Variants in LHFPL3 observed in about 807,000 individuals in gnomAD.
LHFPL3 encodes the protein LHFPL tetraspan subfamily member 3 protein.
A neutral mutation model predicts 19.3 loss-of-function variants in LHFPL3; 5 were observed. That is an observed-to-expected ratio of 0.26 (90% CI 0.14 to 0.54). The LOEUF (loss-of-function observed/expected upper bound fraction) is 0.54, where lower values mean the gene tolerates loss of function less well. Ranked by LOEUF, LHFPL3 falls within the 20% of genes least tolerant of loss-of-function variation. The pLI is 0.94. For synonymous variants in LHFPL3, 133 were observed against 126.2 expected (o/e 1.05, Z -0.36); for missense variants, 249 against 307.4 (o/e 0.81, Z 1.42).
rs1290521512 is a variant in LHFPL3 at position 104,626,417 on chromosome 7, T to C, written c.446-110258T>C. ...ATTCCTCTGGTTTGCATTTAAGCAC[T>C]TTAGCATAATTACCTCCACTCCATG... is the stretch of plus-strand genomic sequence containing the variant. On this transcript the variant is annotated intron_variant, in intron 1 of 2. Transcript: ENST00000424859. Among the ~76,000 whole-genome samples, 3 of 152,328 alleles carry C rather than the reference T, an allele frequency of 2.0e-5. No homozygotes were observed. The East Asian group carries it at 5.8e-4, about 29-fold the overall frequency.
intron 2 of LHFPL3, among the ~76,000 whole-genome samples, chr7:104,856,902 A>C (rs1562816053): frequency 6.6e-6 from 1 of 152,230 alleles, no homozygotes. Context: ...CTGCATGTTC[A>C]GTATACATCA....
rs75148949 is a variant in LHFPL3 at position 104,581,446 on chromosome 7, T to C, written c.446-155229T>C. Reference sequence around the variant, plus strand: ...GTTTTGAAAATATTTTCTCCTATTATATGACTGGCCTCTTTATTATCTTAA... The same window carrying C: ...GTTTTGAAAATATTTTCTCCTATTACATGACTGGCCTCTTTATTATCTTAA... On this transcript the variant is annotated intron_variant, in intron 1 of 2. Coordinates refer to ENST00000424859, the MANE Select transcript of LHFPL3 (RefSeq NM_199000.3). Among the ~76,000 whole-genome samples, 1,331 of 152,124 alleles carry C rather than the reference T, an allele frequency of 8.7e-3. 17 individuals are homozygous for C. The highest frequency in any genetic ancestry group is 0.03 in the African/African-American group (1,266 of 41,540).
At chr7:104,370,117 A>G (rs1253028779) in intron 1 of LHFPL3, among the ~76,000 whole-genome samples, 1 of 152,200 alleles carries the variant, frequency 6.6e-6, no homozygotes, top group Non-Finnish European at 1.5e-5. Flanking sequence ...TAAAACCTCT[A>G]AGGATGGAGG....
chr7:104,645,534 T>C lies in LHFPL3; in HGVS notation c.446-91141T>C, dbSNP rs943373492. On this transcript the variant is annotated intron_variant, in intron 1 of 2. Coordinates refer to ENST00000424859, the MANE Select transcript of LHFPL3 (RefSeq NM_199000.3). ...AATTGTGTTCTTGACAAAAAGAGAA[T>C]GCGAAGTAGTTCTGTGAAGGAAATC... Among the ~76,000 whole-genome samples the C allele has an allele frequency of 4.6e-5, 7 of 152,008 alleles. No homozygotes were observed. In the East Asian group the frequency reaches 9.7e-4, roughly 21 times the overall value.
chr7:104,567,672 T>A (rs1305268340), intron 1 of LHFPL3, among the ~76,000 whole-genome samples: 3 of 152,162 alleles, frequency 2.0e-5, no homozygotes, highest in Non-Finnish European at 2.9e-5. Context: ...AAGAAAATGA[T>A]GACTAGGGCT....
intron 1 of LHFPL3, among the ~76,000 whole-genome samples, chr7:104,681,938 G>A (rs576129641): frequency 4.5e-4 from 68 of 152,248 alleles, no homozygotes; most frequent in African/African-American, 1.6e-3. Context: ...TCTGCCATCA[G>A]CATATTGCAA....
intron 1 of LHFPL3, among the ~76,000 whole-genome samples, chr7:104,417,272 G>A (rs930600841): frequency 2.5e-4 from 38 of 152,194 alleles, no homozygotes; most frequent in Middle Eastern, 3.4e-3. Flanking sequence ...TAACCTTCAT[G>A]TCTTCAACTG....
At chr7:104,752,441 G>T (rs1794192308) in intron 2 of LHFPL3, among the ~76,000 whole-genome samples, 1 of 144,928 alleles carries the variant, frequency 6.9e-6, no homozygotes, top group Admixed American at 7.0e-5. Context: ...ATTCCATACT[G>T]TAAGTGGAAT....
chr7:104,486,466 A>T (rs1793239512), intron 1 of LHFPL3, among the ~76,000 whole-genome samples: 1 of 152,160 alleles, frequency 6.6e-6, no homozygotes, highest in Non-Finnish European at 1.5e-5. Flanking sequence ...TCAGTGTGTG[A>T]TGAGGGCCCA....
chr7:104,692,223 C>T (rs1279596328), intron 1 of LHFPL3, among the ~76,000 whole-genome samples: 1 of 152,088 alleles, frequency 6.6e-6, no homozygotes, highest in Non-Finnish European at 1.5e-5. Flanking sequence ...AAAAGGGAAG[C>T]AGAGCATAAA....
intron 1 of LHFPL3, among the ~76,000 whole-genome samples, chr7:104,725,874 A>C (rs571118701): frequency 6.6e-6 from 1 of 152,004 alleles, no homozygotes; most frequent in African/African-American, 2.4e-5. Context: ...ACATGGTGAA[A>C]CCCCCATCTC....
At chr7:104,740,443 T>A (rs1174300398) in intron 2 of LHFPL3, among the ~76,000 whole-genome samples, 1 of 152,256 alleles carries the variant, frequency 6.6e-6, no homozygotes, top group Non-Finnish European at 1.5e-5. Flanking sequence ...TTGTAATTAA[T>A]GCAGCAACAC....
intron 1 of LHFPL3, among the ~76,000 whole-genome samples, chr7:104,512,096 A>C (rs1272573944): frequency 6.6e-6 from 1 of 151,716 alleles, no homozygotes; most frequent in South Asian, 2.1e-4. Flanking sequence ...TTGGGATTAC[A>C]GGCACGCTCC....
chr7:104,794,029 C>G (rs925420618), intron 2 of LHFPL3, among the ~76,000 whole-genome samples: 6 of 152,136 alleles, frequency 3.9e-5, no homozygotes, highest in African/African-American at 1.4e-4. Flanking sequence ...TGGGTGCTGG[C>G]AAGACAGATG....
chr7:104,898,006 C>CCTTTTT (rs1241339030), intron 2 of LHFPL3, among the ~76,000 whole-genome samples: 1 of 96,806 alleles, frequency 1.0e-5, no homozygotes, highest in African/African-American at 4.1e-5. Flanking sequence ...AATGTCACCC[C>CCTTTTT]TTTTTTTTTT....
At chr7:104,681,373 C>T (rs141600975) in intron 1 of LHFPL3, among the ~76,000 whole-genome samples, 16 of 152,058 alleles carry the variant, frequency 1.1e-4, no homozygotes, top group African/African-American at 3.6e-4. Context: ...GCCTGTAATC[C>T]CAGCACTTTG....
intron 1 of LHFPL3, among the ~76,000 whole-genome samples, chr7:104,341,411 A>C (rs906886164): frequency 6.6e-6 from 1 of 152,250 alleles, no homozygotes; most frequent in African/African-American, 2.4e-5. Flanking sequence ...CTATGACTAC[A>C]TCTATGACTA....
At chr7:104,338,582 G>C (rs568651725) in intron 1 of LHFPL3, among the ~76,000 whole-genome samples, 1 of 152,224 alleles carries the variant, frequency 6.6e-6, no homozygotes, top group South Asian at 2.1e-4. Flanking sequence ...AATTGTGGAA[G>C]ATTTATACAA....
intron 1 of LHFPL3, among the ~76,000 whole-genome samples, chr7:104,359,167 G>A (rs1163508900): frequency 1.3e-5 from 2 of 152,132 alleles, no homozygotes; most frequent in Non-Finnish European, 2.9e-5. Flanking sequence ...GAAACCACAC[G>A]TTGCATATTT....
Sources: allele counts gnomAD v4.1 joint callset (sites outside exome capture counted in the v4.1 genomes callset), GRCh38; gene constraint gnomAD v4.1.1; transcripts MANE v1.5; gene names NCBI Gene and HGNC (gene_info 2026-07-23, HGNC 2026-07-21).